Variants in ANAPC4 observed in about 807,000 individuals in gnomAD.
ANAPC4 encodes the protein anaphase promoting complex subunit 4.
ANAPC4 carries 63 observed loss-of-function variants against 119.8 expected under a neutral mutation model. That is an observed-to-expected ratio of 0.53 (90% CI 0.43 to 0.65). ANAPC4 has a LOEUF of 0.65. ANAPC4 is among the 30% of genes least tolerant of loss of function. The pLI is 0.00. For missense variants in ANAPC4, 716 were observed against 945.1 expected (o/e 0.76, Z 3.18); for synonymous variants, 283 against 318.6 (o/e 0.89, Z 1.19).
chr4:25,412,291 A>G (rs751115549), intron 21 of ANAPC4, among the ~76,000 whole-genome samples: 9 of 152,064 alleles, frequency 5.9e-5, no homozygotes, highest in Non-Finnish European at 1.3e-4. Flanking sequence ...GTCCCAGTGT[A>G]TTTCTGGCGG....
At chr4:25,412,805 AG>A (rs1191459271) in intron 21 of ANAPC4, 1 of 152,162 alleles carries the variant, frequency 6.6e-6, no homozygotes, top group Non-Finnish European at 1.5e-5. Flanking sequence ...GGAAATTCCA[AG>A]GGTTTTGGAA....
intron 21 of ANAPC4, among the ~76,000 whole-genome samples, chr4:25,410,651 C>T (rs10031316): frequency 0.026 from 3,961 of 152,220 alleles, 90 homozygotes; most frequent in South Asian, 0.11. Context: ...GCATCTTAAT[C>T]CAAAAATCTG....
In ANAPC4 at chr4:25,377,420, C is replaced by T. The variant is rs577496521; in HGVS notation, c.-8C>T. ...CTCTGACTGGGGTGTCGTTGCAGGGCCGTCCCCATGTTGCGTTTTCCGACC... is the reference window on the plus strand; with the variant it reads ...CTCTGACTGGGGTGTCGTTGCAGGGTCGTCCCCATGTTGCGTTTTCCGACC... On this transcript the variant is annotated splice_region_variant and 5_prime_UTR_variant, in exon 2 of 29. Coordinates refer to ENST00000315368, the MANE Select transcript of ANAPC4 (RefSeq NM_013367.3). 2 of 1,613,812 alleles carry T rather than the reference C, an allele frequency of 1.2e-6. No homozygotes were observed. The highest frequency in any genetic ancestry group is 2.2e-5 in the South Asian group (2 of 91,052).
intron 28 of ANAPC4, 165 bp from the exon 29 acceptor site, chr4:25,417,990 A>G: frequency 1.2e-6 from 1 of 847,634 alleles, no homozygotes; most frequent in South Asian, 1.9e-5. Flanking sequence ...TTATGTGGAG[A>G]TCTTTTTATA....
chr4:25,388,162 G>T (rs1028796638), intron 4 of ANAPC4, among the ~76,000 whole-genome samples: 6 of 152,136 alleles, frequency 3.9e-5, no homozygotes, highest in Non-Finnish European at 7.4e-5. Context: ...CATATGTTTG[G>T]TGTGAGTTCT....
intron 4 of ANAPC4, among the ~76,000 whole-genome samples, chr4:25,387,045 T>A (rs546064278): frequency 6.6e-6 from 1 of 152,088 alleles, no homozygotes; most frequent in Non-Finnish European, 1.5e-5. Flanking sequence ...GAACTTTTTT[T>A]TGTGTCTCAG....
intron 20 of ANAPC4, among the ~76,000 whole-genome samples, 194 bp from the exon 21 acceptor site, chr4:25,409,495 GAATGATAGT>G (rs1460014796): frequency 6.6e-6 from 1 of 152,156 alleles, no homozygotes; most frequent in Non-Finnish European, 1.5e-5. Flanking sequence ...ACCTCACTTA[GAATGATAGT>G]AATGCACTTT....
chr4:25,414,266 A>T, intron 22 of ANAPC4, 58 bp from the exon 23 acceptor site: 1 of 1,210,186 alleles, frequency 8.3e-7, no homozygotes, highest in Non-Finnish European at 1.2e-6. Flanking sequence ...CACTTTCTGT[A>T]GAGTATCTGT....
At chr4:25,383,754 G>A (rs1013474103) in intron 4 of ANAPC4, among the ~76,000 whole-genome samples, 2 of 152,190 alleles carry the variant, frequency 1.3e-5, no homozygotes, top group Non-Finnish European at 2.9e-5. Flanking sequence ...AATTAAGCAT[G>A]TAACTTAATT....
At chr4:25,396,327 A>T (rs778036045) in intron 14 of ANAPC4, among the ~76,000 whole-genome samples, 3 of 152,230 alleles carry the variant, frequency 2.0e-5, no homozygotes, top group Non-Finnish European at 2.9e-5. Context: ...ACCTGACCCA[A>T]AATGGGAACT....
intron 16 of ANAPC4, among the ~76,000 whole-genome samples, chr4:25,397,152 T>C (rs917557554): frequency 2.0e-5 from 3 of 152,244 alleles, no homozygotes; most frequent in African/African-American, 7.2e-5. Flanking sequence ...ACTACTTCTA[T>C]TTTTAGTTCT....
At chr4:25,384,591 G>T (rs1426916039) in intron 4 of ANAPC4, among the ~76,000 whole-genome samples, 3 of 152,162 alleles carry the variant, frequency 2.0e-5, no homozygotes, top group Admixed American at 2.0e-4. Context: ...ACTTTGGGAG[G>T]CCAAGGTAGG....
chr4:25,379,632 A>G (rs551100735), intron 2 of ANAPC4, among the ~76,000 whole-genome samples: 1 of 152,330 alleles, frequency 6.6e-6, no homozygotes, highest in East Asian at 1.9e-4. Flanking sequence ...ACACCTGACC[A>G]TGAGCTGCAG....
intron 20 of ANAPC4, among the ~76,000 whole-genome samples, chr4:25,408,581 T>C (rs1577396081): frequency 6.6e-6 from 1 of 151,488 alleles, no homozygotes; most frequent in Non-Finnish European, 1.5e-5. Flanking sequence ...AGTAGTACAG[T>C]GGTGCAATCA....
chr4:25,389,816 T>C (rs973768769), intron 7 of ANAPC4, among the ~76,000 whole-genome samples: 25 of 152,246 alleles, frequency 1.6e-4, no homozygotes, highest in African/African-American at 5.5e-4. Context: ...ATAAAACTGA[T>C]GGCACTTTGT....
At chr4:25,412,229 T>C (rs1338237973) in intron 21 of ANAPC4, among the ~76,000 whole-genome samples, 1 of 152,130 alleles carries the variant, frequency 6.6e-6, no homozygotes, top group East Asian at 1.9e-4. Context: ...GCTTCCATGC[T>C]CTCCCAGCAC....
At chr4:25,378,643 T>C (rs901103792) in intron 2 of ANAPC4, among the ~76,000 whole-genome samples, 3 of 152,156 alleles carry the variant, frequency 2.0e-5, no homozygotes, top group African/African-American at 7.2e-5. Flanking sequence ...GGGCATTGTT[T>C]ATGGGTGAAG....
intron 2 of ANAPC4, among the ~76,000 whole-genome samples, chr4:25,378,510 C>T (rs1204253198): frequency 6.6e-6 from 1 of 152,204 alleles, no homozygotes; most frequent in Admixed American, 6.5e-5. Context: ...CTCTAGAGAG[C>T]AGCAGGTGGT....
intron 21 of ANAPC4, among the ~76,000 whole-genome samples, chr4:25,411,815 T>C (rs1453741043): frequency 6.6e-6 from 1 of 152,212 alleles, no homozygotes; most frequent in Non-Finnish European, 1.5e-5. Context: ...TTACTCAGTG[T>C]TTCTGACAAC....
Sources: allele counts gnomAD v4.1 joint callset (sites outside exome capture counted in the v4.1 genomes callset), GRCh38; gene constraint gnomAD v4.1.1; transcripts MANE v1.5; gene names NCBI Gene and HGNC (gene_info 2026-07-23, HGNC 2026-07-21).